Variants in ZNF618 observed in about 807,000 individuals in gnomAD.
ZNF618 encodes zinc finger protein 618.
Under a neutral mutation model 103.0 loss-of-function variants are expected in ZNF618, and 34 were observed. The observed-to-expected ratio is 0.33, with a 90% CI of 0.25 to 0.44. The LOEUF is 0.44. Ranked by LOEUF, ZNF618 falls within the 20% of genes least tolerant of loss-of-function variation. The probability of loss-of-function intolerance (pLI) is 1.00; values close to 1 mark genes in which losing one functional copy is unlikely to be tolerated. For missense variants in ZNF618, 1,059 were observed against 1,295.4 expected, an observed-to-expected ratio of 0.82 and a Z score of 2.80; for synonymous variants, 551 against 542.2, an observed-to-expected ratio of 1.02 and a Z score of -0.23.
At chr9:113,970,416 G>A (rs903710370) in intron 2 of ZNF618, among the ~76,000 whole-genome samples, 4 of 152,124 alleles carry the variant, frequency 2.6e-5, no homozygotes, top group South Asian at 2.1e-4. Flanking sequence ...ATACCAGGCC[G>A]GAGGTCTCTG....
rs1835189638 is a variant in ZNF618 at position 113,947,867 on chromosome 9, A to C, written c.34-21250A>C. Among the ~76,000 whole-genome samples the C allele has an allele frequency of 2.6e-5, 4 of 152,324 alleles. No individual in the cohort carries two copies. The South Asian group carries it at 8.3e-4, about 32-fold the overall frequency. ...CTCTTTCTTCCCCTCTTCTCCGTGC[A>C]AGAAAACCACAGCTGCCTCAGACTT... is the stretch of plus-strand genomic sequence containing the variant. On this transcript the variant is annotated intron_variant, in intron 1 of 14. Coordinates refer to ENST00000374126, the MANE Select transcript of ZNF618 (RefSeq NM_001318042.2).
intron 2 of ZNF618, among the ~76,000 whole-genome samples, chr9:113,986,742 G>C (rs537543644): frequency 2.4e-4 from 37 of 152,284 alleles, no homozygotes; most frequent in African/African-American, 7.0e-4. Flanking sequence ...TCAGTCCATA[G>C]CACCTCCCCA....
chr9:113,987,610 G>A (rs775494983), intron 2 of ZNF618, among the ~76,000 whole-genome samples: 1 of 152,172 alleles, frequency 6.6e-6, no homozygotes, highest in Non-Finnish European at 1.5e-5. Context: ...ACTGGATATC[G>A]CGTACATCAA....
chr9:113,969,265 G>A, intron 2 of ZNF618, 105 bp downstream of exon 2: 2 of 1,410,656 alleles, frequency 1.4e-6, no homozygotes, highest in Admixed American at 1.7e-5. Context: ...AAGGATGGGT[G>A]GTCCAGGCCA....
At chr9:113,908,622 G>A (rs943839522) in intron 1 of ZNF618, among the ~76,000 whole-genome samples, 10 of 152,052 alleles carry the variant, frequency 6.6e-5, no homozygotes, top group African/African-American at 2.4e-4. Flanking sequence ...AGTCAGCCCC[G>A]AGGCAGCAGG....
intron 1 of ZNF618, among the ~76,000 whole-genome samples, chr9:113,908,396 A>C (rs1831187216): frequency 6.6e-6 from 1 of 152,232 alleles, no homozygotes; most frequent in African/African-American, 2.4e-5. Flanking sequence ...GGCCTTAGGC[A>C]CTTTTGTCTT....
At chr9:114,008,897 G>T (rs1271393108) in intron 9 of ZNF618, among the ~76,000 whole-genome samples, 2 of 152,200 alleles carry the variant, frequency 1.3e-5, no homozygotes, top group Admixed American at 1.3e-4. Flanking sequence ...TTTGTTGGGG[G>T]ATTAAATGAG....
At chr9:114,001,642 C>T (rs375217409) in intron 4 of ZNF618, among the ~76,000 whole-genome samples, 15 of 152,336 alleles carry the variant, frequency 9.8e-5, no homozygotes, top group South Asian at 4.1e-4. Context: ...TAATGATTTC[C>T]TTATGTGGAT....
In ZNF618 at chr9:113,884,989, C is replaced by T. The variant is rs556658948; in HGVS notation, c.33+8576C>T. On this transcript the variant is annotated intron_variant, in intron 1 of 14. Transcript: ENST00000374126. ...AAATTAATTTGGTCTTGAGAAATAG[C>T]GAGAGAATCCTGACTCCTCCCTTCC... is the stretch of plus-strand genomic sequence containing the variant. 6.6e-5 allele frequency among the ~76,000 whole-genome samples: 10 copies of T among 152,270 alleles called. No individual in the cohort carries two copies. In the South Asian group the frequency reaches 1.5e-3, roughly 22 times the overall value.
chr9:113,957,321 A>G (rs1464081096), intron 1 of ZNF618, among the ~76,000 whole-genome samples: 1 of 152,018 alleles, frequency 6.6e-6, no homozygotes, highest in African/African-American at 2.4e-5. Context: ...TTTTATCTCT[A>G]TTTTACATCA....
chr9:114,041,032 G>A (rs1259352696), intron 13 of ZNF618, among the ~76,000 whole-genome samples: 1 of 152,232 alleles, frequency 6.6e-6, no homozygotes, highest in East Asian at 1.9e-4. Flanking sequence ...TCTAACTGGT[G>A]TGAGATGGTA....
chr9:114,040,337 CT>C (rs200093374), intron 13 of ZNF618, among the ~76,000 whole-genome samples: 25,935 of 142,054 alleles, frequency 0.18, 2,459 homozygotes, highest in Middle Eastern at 0.34. Flanking sequence ...TGTTTTCTTT[CT>C]TTTTTTTTTT....
intron 5 of ZNF618, 102 bp downstream of exon 5, chr9:114,002,175 G>A (rs1841290738): frequency 7.9e-6 from 8 of 1,014,006 alleles, no homozygotes; most frequent in Admixed American, 1.7e-5. Context: ...GGCCCTGACA[G>A]CTCCAGCCTT....
At chr9:113,941,710 G>A (rs975477081) in intron 1 of ZNF618, among the ~76,000 whole-genome samples, 1 of 152,146 alleles carries the variant, frequency 6.6e-6, no homozygotes, top group African/African-American at 2.4e-5. Context: ...GTCTATGAAA[G>A]CATTTAGGAT....
Position 114,049,058 on chromosome 9 carries a change from G to A in ZNF618, c.1756G>A (p.Ala586Thr). The change falls in exon 15 of 15, where the codon GCG (alanine) becomes ACG (threonine). Residue 586 changes from alanine (A) to threonine (T), a missense_variant. Ala to Thr is a moderately conservative substitution (Grantham distance 58). Around this residue, in one of 6 missense-constraint regions of ZNF618, gnomAD observed 272 missense variants for 380.1 expected, o/e 0.72. Coordinates refer to ENST00000374126, the MANE Select transcript of ZNF618 (RefSeq NM_001318042.2). ...GAGCTATGTGCTTGGTGTGAAGGGTGCGGACATTCGCGACAGCGGTGACCT... is the reference window on the plus strand; with the variant it reads ...GAGCTATGTGCTTGGTGTGAAGGGTACGGACATTCGCGACAGCGGTGACCT... ...IKSYVLGVKG[A>T]DIRDSGDLVH... 1 of 1,613,916 alleles carries A rather than the reference G, an allele frequency of 6.2e-7. No individual in the cohort carries two copies. Among genetic ancestry groups the A allele is most frequent in the South Asian group, 1.1e-5 (1 of 91,086 alleles).
intron 11 of ZNF618, among the ~76,000 whole-genome samples, chr9:114,032,256 G>A (rs1001035626): frequency 6.6e-6 from 1 of 152,250 alleles, no homozygotes; most frequent in Admixed American, 6.5e-5. Flanking sequence ...GGTGGGGCCC[G>A]TGGCAGCAGA....
At chr9:113,921,718 A>G (rs1052150426) in intron 1 of ZNF618, among the ~76,000 whole-genome samples, 23 of 152,234 alleles carry the variant, frequency 1.5e-4, no homozygotes, top group Admixed American at 7.8e-4. Context: ...GGACTTTCTG[A>G]ACTTCATCAT....
At chr9:113,972,876 G>A (rs1234115999) in intron 2 of ZNF618, among the ~76,000 whole-genome samples, 3 of 152,106 alleles carry the variant, frequency 2.0e-5, no homozygotes, top group Non-Finnish European at 4.4e-5. Context: ...AGACCAGCCT[G>A]GCCAACATGG....
chr9:113,900,327 G>T (rs576117651), intron 1 of ZNF618, among the ~76,000 whole-genome samples: 9 of 152,298 alleles, frequency 5.9e-5, no homozygotes, highest in African/African-American at 1.7e-4. Flanking sequence ...CTCCCAAAGT[G>T]CTGGGATTAC....
Sources: allele counts gnomAD v4.1 joint callset (sites outside exome capture counted in the v4.1 genomes callset), GRCh38; gene constraint gnomAD v4.1.1; regional missense constraint gnomAD v4.1.1; transcripts MANE v1.5; gene names NCBI Gene and HGNC (gene_info 2026-07-23, HGNC 2026-07-21).